The following CYP39A1 variants were observed in gnomAD, a reference collection of about 807,000 sequenced individuals.
CYP39A1 encodes the protein cytochrome P450 family 39 subfamily A member 1.
CYP39A1 carries 49 observed loss-of-function variants against 58.1 expected under a neutral mutation model. The observed-to-expected ratio is 0.84, with a 90% CI of 0.67 to 1.07. The LOEUF (loss-of-function observed/expected upper bound fraction) is 1.07. Ranked by LOEUF, CYP39A1 falls within the 50% of genes least tolerant of loss-of-function variation. The probability of loss-of-function intolerance (pLI) is 0.00; values close to 1 mark genes in which losing one functional copy is unlikely to be tolerated. For synonymous variants in CYP39A1, 209 were observed against 187.6 expected, an observed-to-expected ratio of 1.11 and a Z score of -0.93; for missense variants, 531 against 539.4, an observed-to-expected ratio of 0.98 and a Z score of 0.16.
intron 8 of CYP39A1, among the ~76,000 whole-genome samples, chr6:46,590,770 T>C (rs959364189): frequency 2.6e-5 from 4 of 152,298 alleles, no homozygotes; most frequent in Middle Eastern, 3.4e-3. Context: ...ACTTTAAACA[T>C]AGTTTTGATC....
intron 1 of CYP39A1, among the ~76,000 whole-genome samples, chr6:46,647,095 GT>G (rs1390904538): frequency 2.0e-5 from 3 of 150,768 alleles, no homozygotes; most frequent in African/African-American, 7.3e-5. Flanking sequence ...ATTTTACTCT[GT>G]TTATAAAAGG....
At chr6:46,650,616 G>A (rs1389404867) in intron 1 of CYP39A1, among the ~76,000 whole-genome samples, 1 of 140,538 alleles carries the variant, frequency 7.1e-6, no homozygotes, top group Non-Finnish European at 1.5e-5. Context: ...CAATCCTCCC[G>A]CCTCAGCCTC....
At position 46,587,711 on chromosome 6, in the gene CYP39A1, A is replaced by G. The variant is rs548924957; in HGVS notation, c.1161+323T>C. On this transcript the variant is annotated intron_variant, in intron 9 of 11. Coordinates refer to ENST00000275016, the MANE Select transcript of CYP39A1 (RefSeq NM_016593.5). ...ATTTTTTTGTACTCCTTGGAAACCA[A>G]TGACAGAAGCAATTGCCTGAAGAAC... Among the ~76,000 whole-genome samples the G allele has an allele frequency of 3.3e-5, 5 of 152,280 alleles. No homozygotes were observed. In the East Asian group the frequency reaches 9.7e-4, roughly 29 times the overall value.
chr6:46,612,039 T>C (rs565223923), intron 7 of CYP39A1, among the ~76,000 whole-genome samples: 5 of 151,976 alleles, frequency 3.3e-5, no homozygotes, highest in Non-Finnish European at 7.4e-5. Context: ...AATAAGATAG[T>C]GAAAGATTTA....
intron 7 of CYP39A1, among the ~76,000 whole-genome samples, chr6:46,603,425 A>G (rs1299367145): frequency 2.0e-5 from 3 of 152,226 alleles, no homozygotes; most frequent in Admixed American, 1.3e-4. Context: ...TTTCACATGT[A>G]AAATGTGGAT....
At chr6:46,562,625 C>T (rs115973051) in intron 10 of CYP39A1, among the ~76,000 whole-genome samples, 3,444 of 150,976 alleles carry the variant, frequency 0.023, 52 homozygotes, top group Non-Finnish European at 0.037. Context: ...ATAAAATAAA[C>T]AAATAAATAA....
At chr6:46,613,873 C>T (rs1359863578) in intron 7 of CYP39A1, among the ~76,000 whole-genome samples, 1 of 143,912 alleles carries the variant, frequency 6.9e-6, no homozygotes, top group Non-Finnish European at 1.5e-5. Context: ...CTTACGCTGT[C>T]AATTAATCTT....
At chr6:46,558,166 A>G (rs1770759201) in intron 10 of CYP39A1, among the ~76,000 whole-genome samples, 1 of 152,124 alleles carries the variant, frequency 6.6e-6, no homozygotes, top group Non-Finnish European at 1.5e-5. Flanking sequence ...AATAATAAGC[A>G]GTCAAGGTAT....
At chr6:46,555,514 T>C (rs1295250985) in intron 10 of CYP39A1, among the ~76,000 whole-genome samples, 1 of 152,236 alleles carries the variant, frequency 6.6e-6, no homozygotes, top group Non-Finnish European at 1.5e-5. Context: ...ATAGAGAAGA[T>C]TCAATTTCCT....
chr6:46,624,443 C>T (rs557956656), intron 7 of CYP39A1, among the ~76,000 whole-genome samples: 28 of 152,080 alleles, frequency 1.8e-4, no homozygotes, highest in East Asian at 3.9e-4. Context: ...TAATGATGCT[C>T]ACCATTTCTA....
intron 10 of CYP39A1, among the ~76,000 whole-genome samples, chr6:46,580,344 A>G (rs1407819912): frequency 6.6e-6 from 1 of 152,228 alleles, no homozygotes; most frequent in Non-Finnish European, 1.5e-5. Flanking sequence ...CACTGTATAC[A>G]AAAATCAACT....
intron 10 of CYP39A1, among the ~76,000 whole-genome samples, chr6:46,585,576 A>G (rs1019109240): frequency 1.3e-5 from 2 of 152,118 alleles, no homozygotes; most frequent in African/African-American, 2.4e-5. Flanking sequence ...TGTGTGTTAT[A>G]TGATGTCCCT....
intron 4 of CYP39A1, 51 bp from the exon 5 acceptor site, chr6:46,636,533 T>C (rs559130366): frequency 1.7e-6 from 2 of 1,169,322 alleles, no homozygotes; most frequent in African/African-American, 3.1e-5. Context: ...ACTTTAGGAA[T>C]AACAGGTCAC....
At chr6:46,557,373 G>A (rs1242119702) in intron 10 of CYP39A1, among the ~76,000 whole-genome samples, 2 of 151,852 alleles carry the variant, frequency 1.3e-5, no homozygotes, top group Non-Finnish European at 2.9e-5. Flanking sequence ...GGGTGCAGTG[G>A]TTCATGCCTG....
intron 5 of CYP39A1, among the ~76,000 whole-genome samples, chr6:46,633,246 C>CT (rs1451271026): frequency 1.3e-5 from 2 of 149,732 alleles, no homozygotes; most frequent in African/African-American, 5.1e-5. Flanking sequence ...CTCTATTATA[C>CT]TTATAATGTA....
intron 7 of CYP39A1, among the ~76,000 whole-genome samples, chr6:46,624,151 G>A (rs1214576872): frequency 1.3e-5 from 2 of 152,138 alleles, no homozygotes; most frequent in Admixed American, 6.6e-5. Context: ...TTGGGTCAGA[G>A]AGGACCCCCC....
At chr6:46,636,100 C>T (rs944706730) in intron 5 of CYP39A1, among the ~76,000 whole-genome samples, 12 of 152,164 alleles carry the variant, frequency 7.9e-5, no homozygotes, top group African/African-American at 1.4e-4. Flanking sequence ...TTTCACCTGT[C>T]GCTATTGACA....
chr6:46,587,253 AG>A, intron 9 of CYP39A1, 88 bp from the exon 10 acceptor site: 1 of 851,060 alleles, frequency 1.2e-6, no homozygotes, highest in East Asian at 2.6e-5. Context: ...GACCTTGTAC[AG>A]CTAATCCTTG....
At chr6:46,641,469 A>G (rs1776333457) in intron 2 of CYP39A1, among the ~76,000 whole-genome samples, 1 of 152,222 alleles carries the variant, frequency 6.6e-6, no homozygotes, top group African/African-American at 2.4e-5. Flanking sequence ...AAAAAGGGAA[A>G]CAGAGAGAAA....
Sources: gnomAD v4.1 joint callset for allele counts (sites outside exome capture counted in the v4.1 genomes callset) on GRCh38, gnomAD v4.1.1 for gene constraint, MANE v1.5 for transcripts, NCBI Gene and HGNC (gene_info 2026-07-23, HGNC 2026-07-21) for gene names.